The following ZNF148 variants were observed in gnomAD, a reference collection of about 807,000 sequenced individuals.
ZNF148 encodes the protein Beta-Enolase Repressor Factor-1.
ZNF148 carries 7 observed loss-of-function variants against 67.7 expected under a neutral mutation model. That is an observed-to-expected ratio of 0.10 (90% CI 0.06 to 0.19). The LOEUF (loss-of-function observed/expected upper bound fraction) is 0.19, where lower values mean the gene tolerates loss of function less well. Ranked by LOEUF, ZNF148 falls within the 10% of genes least tolerant of loss-of-function variation. The pLI, the probability that ZNF148 is intolerant of heterozygous loss-of-function variation, is 1.00. For missense variants in ZNF148, 583 were observed against 947.1 expected, an observed-to-expected ratio of 0.62 and a Z score of 5.05; for synonymous variants, 333 against 330.7, an observed-to-expected ratio of 1.01 and a Z score of -0.08.
At chr3:125,259,876 T>G (rs965439325) in intron 7 of ZNF148, among the ~76,000 whole-genome samples, 2 of 152,216 alleles carry the variant, frequency 1.3e-5, no homozygotes, top group Non-Finnish European at 2.9e-5. Flanking sequence ...TCTTCCTCAC[T>G]AAGCTTAATC....
chr3:125,247,196 G>A (rs531840340), intron 7 of ZNF148, among the ~76,000 whole-genome samples: 3 of 152,166 alleles, frequency 2.0e-5, no homozygotes, highest in Admixed American at 6.5e-5. Flanking sequence ...TCCCTAGAAC[G>A]CAGGGCAGTG....
At chr3:125,310,782 T>C (rs1409848385) in intron 4 of ZNF148, 3 of 152,994 alleles carry the variant, frequency 2.0e-5, no homozygotes, top group Non-Finnish European at 4.4e-5. Flanking sequence ...GATGAAAAAG[T>C]TCTAGAGATC....
intron 1 of ZNF148, among the ~76,000 whole-genome samples, chr3:125,338,346 CTCA>C (rs1941579479): frequency 6.6e-6 from 1 of 152,154 alleles, no homozygotes; most frequent in South Asian, 2.1e-4. Flanking sequence ...TCAGAGAAAA[CTCA>C]TCATTTTTAT....
chr3:125,325,038 T>C (rs984375270), intron 2 of ZNF148, among the ~76,000 whole-genome samples: 2 of 152,010 alleles, frequency 1.3e-5, no homozygotes, highest in Middle Eastern at 3.2e-3. Context: ...CAATCCAGAG[T>C]TGTTACAATA....
intron 7 of ZNF148, among the ~76,000 whole-genome samples, chr3:125,234,634 CT>C (rs34760585): frequency 6.6e-6 from 1 of 152,086 alleles, no homozygotes; most frequent in Middle Eastern, 3.2e-3. Context: ...TGTTTCTAAT[CT>C]TTTTTTCAAT....
intron 2 of ZNF148, among the ~76,000 whole-genome samples, chr3:125,326,876 AGT>A (rs1553710384): frequency 6.7e-6 from 1 of 148,514 alleles, no homozygotes; most frequent in Non-Finnish European, 1.5e-5. Context: ...ATATATATAT[AGT>A]GTGTGTGTGT....
chr3:125,317,713 A>ATT (rs71625788), intron 3 of ZNF148, among the ~76,000 whole-genome samples: 4 of 134,576 alleles, frequency 3.0e-5, no homozygotes, highest in African/African-American at 1.1e-4. Context: ...ATATATATAT[A>ATT]TTTTTTTTTT....
Position 125,301,175 on chromosome 3 carries a change from A to T in ZNF148, c.333+12133T>A, listed in dbSNP as rs372792999. ...TTAAAATCTAATTTAAATGTCTAAA[A>T]TATTAAAAAACAAAGTTCTAATGAG... On this transcript the variant is annotated intron_variant, in intron 4 of 8. Transcript: ENST00000360647. Among the ~76,000 whole-genome samples, 35 of 152,362 alleles carry T rather than the reference A, an allele frequency of 2.3e-4. 1 individual carries two copies. In the South Asian group the frequency reaches 7.0e-3, roughly 31 times the overall value.
chr3:125,275,412 CA>C (rs1660936724), intron 7 of ZNF148, among the ~76,000 whole-genome samples: 1 of 152,090 alleles, frequency 6.6e-6, no homozygotes, highest in Non-Finnish European at 1.5e-5. Context: ...CAAAAAGGCC[CA>C]AATATAACTT....
At chr3:125,369,003 T>A (rs983804875) in intron 1 of ZNF148, among the ~76,000 whole-genome samples, 2 of 149,428 alleles carry the variant, frequency 1.3e-5, no homozygotes, top group Admixed American at 1.3e-4. Context: ...GGCTCACACC[T>A]GTAATCCCAG....
At chr3:125,353,697 C>T (rs1245070656) in intron 1 of ZNF148, among the ~76,000 whole-genome samples, 1 of 151,922 alleles carries the variant, frequency 6.6e-6, no homozygotes, top group Non-Finnish European at 1.5e-5. Context: ...TCAAGAGATT[C>T]ACCTGCCTTG....
intron 1 of ZNF148, among the ~76,000 whole-genome samples, chr3:125,335,943 ATG>A (rs1009895379): frequency 3.9e-5 from 6 of 152,340 alleles, no homozygotes; most frequent in Admixed American, 1.3e-4. Context: ...CAGATAAGAG[ATG>A]TGTTAGAAGA....
intron 2 of ZNF148, among the ~76,000 whole-genome samples, chr3:125,327,697 G>A (rs1238566597): frequency 6.6e-6 from 1 of 152,000 alleles, no homozygotes; most frequent in East Asian, 1.9e-4. Context: ...TACCAGAATT[G>A]AATTTGATAT....
chr3:125,369,523 T>C (rs957813769), intron 1 of ZNF148, among the ~76,000 whole-genome samples: 2 of 151,784 alleles, frequency 1.3e-5, no homozygotes, highest in African/African-American at 4.8e-5. Flanking sequence ...AGGTAAATTC[T>C]ATAGAATTGT....
intron 7 of ZNF148, among the ~76,000 whole-genome samples, chr3:125,238,689 T>C (rs1277604227): frequency 1.3e-5 from 2 of 152,214 alleles, no homozygotes; most frequent in East Asian, 1.9e-4. Flanking sequence ...CTGTTGGGAC[T>C]GAGGAAGAGT....
intron 7 of ZNF148, among the ~76,000 whole-genome samples, chr3:125,273,541 G>A (rs1352179206): frequency 6.9e-6 from 1 of 145,454 alleles, no homozygotes. Flanking sequence ...TGCTGCCCAG[G>A]CTGGAGTGCA....
chr3:125,343,282 T>A (rs79540645), intron 1 of ZNF148, among the ~76,000 whole-genome samples: 1 of 150,008 alleles, frequency 6.7e-6, no homozygotes, highest in Admixed American at 6.7e-5. Flanking sequence ...AAAGTACACA[T>A]AGAGATTTAC....
In ZNF148 at chr3:125,288,145, G is replaced by A. The variant is rs766063058; in HGVS notation, c.417C>T (p.Asp139=). 8 of 1,613,732 alleles carry A rather than the reference G, an allele frequency of 5.0e-6. No individual in the cohort carries two copies. Among genetic ancestry groups the A allele is most frequent in the African/African-American group, 2.7e-5 (2 of 74,890 alleles). Residue 139 remains aspartate, a synonymous_variant, in exon 5 of 9, where the codon GAC becomes GAT. Coordinates refer to ENST00000360647, the MANE Select transcript of ZNF148 (RefSeq NM_021964.3). ...GTTTCCGCTTCTTCTTTTTCTGTAA[G>A]TCTACTGGCTCTCTGATTTGTTTTT... is the stretch of plus-strand genomic sequence containing the variant. ...RDKKQIREPV[D]LQKKKKRKQR...
At chr3:125,295,739 G>C (rs1939249452) in intron 4 of ZNF148, among the ~76,000 whole-genome samples, 1 of 149,356 alleles carries the variant, frequency 6.7e-6, no homozygotes, top group African/African-American at 2.6e-5. Flanking sequence ...AGTTAAATAA[G>C]ATAACTCTGT....
Sources: gnomAD v4.1 joint callset for allele counts (sites outside exome capture counted in the v4.1 genomes callset) on GRCh38, gnomAD v4.1.1 for gene constraint, MANE v1.5 for transcripts, NCBI Gene and HGNC (gene_info 2026-07-23, HGNC 2026-07-21) for gene names.